Variants in MTUS1 observed in about 807,000 individuals in gnomAD.
MTUS1 encodes microtubule associated scaffold protein 1, also known as microtubule-associated tumor suppressor 1.
A neutral mutation model predicts 120.8 loss-of-function variants in MTUS1; 109 were observed. The ratio of observed to expected loss-of-function variants is 0.90; its 90% CI spans 0.77 to 1.06. The LOEUF is 1.06. Ranked by LOEUF, MTUS1 falls within the 50% of genes least tolerant of loss-of-function variation. The probability of loss-of-function intolerance (pLI) is 0.00; values close to 1 mark genes in which losing one functional copy is unlikely to be tolerated. For missense variants in MTUS1, 2,210 were observed against 1,486.3 expected, an observed-to-expected ratio of 1.49 and a Z score of -8.01; for synonymous variants, 737 against 550.5, an observed-to-expected ratio of 1.34 and a Z score of -4.74.
chr8:17,716,664 C>G (rs1822398778), intron 4 of MTUS1: 2 of 152,782 alleles, frequency 1.3e-5, no homozygotes, highest in African/African-American at 4.8e-5. Flanking sequence ...ACGCCATTCT[C>G]CTGCCTCAGC....
At chr8:17,657,176 GC>G (rs1808493844) in intron 8 of MTUS1, among the ~76,000 whole-genome samples, 1 of 151,022 alleles carries the variant, frequency 6.6e-6, no homozygotes, top group African/African-American at 2.4e-5. Context: ...TCTATTAAAC[GC>G]AAATCACCAG....
chr8:17,759,885 A>G (rs1205314599), intron 1 of MTUS1, among the ~76,000 whole-genome samples: 2 of 151,844 alleles, frequency 1.3e-5, no homozygotes, highest in Admixed American at 6.6e-5. Context: ...TTAACATTTT[A>G]GTACACTTGG....
intron 6 of MTUS1, among the ~76,000 whole-genome samples, chr8:17,712,592 G>C (rs139952396): frequency 0.043 from 6,591 of 152,182 alleles, 278 homozygotes; most frequent in East Asian, 0.16. Context: ...ACCCACCTTG[G>C]CCTCCCAAAG....
At chr8:17,763,938 T>C (rs2049253509) in intron 1 of MTUS1, among the ~76,000 whole-genome samples, 1 of 151,566 alleles carries the variant, frequency 6.6e-6, no homozygotes, top group South Asian at 2.1e-4. Flanking sequence ...TGTGGAAACG[T>C]GTTAAAGATG....
intron 6 of MTUS1, among the ~76,000 whole-genome samples, chr8:17,706,807 C>T (rs1223516335): frequency 6.6e-6 from 1 of 152,132 alleles, no homozygotes; most frequent in East Asian, 1.9e-4. Flanking sequence ...GTTACTGTAT[C>T]TGCTAAATGT....
Position 17,716,989 on chromosome 8 carries a change from C to T in MTUS1, c.2450-1088G>A, listed in dbSNP as rs112823152. ...ACTCACTTAGCAAAGGGTTAAGATA[C>T]CTACCTTGTTTACAAATGCATTATA... On this transcript the variant is annotated intron_variant, in intron 4 of 14. Coordinates refer to ENST00000693296, the MANE Select transcript of MTUS1 (RefSeq NM_001363059.2). Among the ~76,000 whole-genome samples, 186 of 152,300 alleles carry T rather than the reference C, an allele frequency of 1.2e-3. 1 individual carries two copies. Among genetic ancestry groups the T allele is most frequent in the African/African-American group, 4.3e-3 (180 of 41,554 alleles).
At chr8:17,743,355 T>C (rs184381329) in intron 3 of MTUS1, among the ~76,000 whole-genome samples, 32 of 152,294 alleles carry the variant, frequency 2.1e-4, no homozygotes, top group African/African-American at 4.6e-4. Context: ...AATTGTATAT[T>C]TATGTACACA....
Position 17,755,155 on chromosome 8 carries a change from G to T in MTUS1, c.653C>A (p.Ala218Glu), listed in dbSNP as rs1363821101. The change falls in exon 2 of 15, where the codon GCA (alanine) becomes GAA (glutamate). Residue 218 changes from alanine (A) to glutamate (E), a missense_variant. By Grantham distance (107) the Ala-to-Glu change is moderately radical (BLOSUM62 -1). Transcript: ENST00000693296. ...WTSSHSDKTHARETTYDRESF... is the reference protein window; with the variant it reads ...WTSSHSDKTHERETTYDRESF... Reference sequence around the variant, plus strand: ...TTCTCTATCATAAGTAGTTTCTCTTGCATGCGTCTTATCAGAATGGGAAGA... The same window carrying T: ...TTCTCTATCATAAGTAGTTTCTCTTTCATGCGTCTTATCAGAATGGGAAGA... 4 of 1,614,108 alleles carry T rather than the reference G, an allele frequency of 2.5e-6. No individual in the cohort carries two copies. In the Admixed American group the frequency reaches 5.0e-5, roughly 20 times the overall value.
At chr8:17,785,208 A>G (rs376303739) in intron 1 of MTUS1, among the ~76,000 whole-genome samples, 1 of 104,520 alleles carries the variant, frequency 9.6e-6, no homozygotes, top group Admixed American at 1.0e-4. Context: ...GAGCCTCCAA[A>G]GAGCCTCCAG....
intron 1 of MTUS1, among the ~76,000 whole-genome samples, chr8:17,780,178 C>T (rs1024364261): frequency 1.3e-5 from 2 of 152,020 alleles, no homozygotes; most frequent in Non-Finnish European, 2.9e-5. Context: ...CTTTGCCCTG[C>T]TCCACAAGGG....
intron 8 of MTUS1, among the ~76,000 whole-genome samples, chr8:17,658,061 A>ACACACAC (rs200033783): frequency 6.8e-6 from 1 of 147,650 alleles, no homozygotes; most frequent in African/African-American, 2.5e-5. Flanking sequence ...ACACACACAC[A>ACACACAC]GAGTCTTGCT....
chr8:17,645,405 AT>A lies in MTUS1; in HGVS notation c.*520del, dbSNP rs1805579282. 6.6e-6 allele frequency: 1 copy of A among 152,114 alleles called. No homozygotes were observed. Among genetic ancestry groups the A allele is most frequent in the African/African-American group, 2.4e-5 (1 of 40,986 alleles). The allele number at this position is 152,114 out of a possible 1,614,324, so 9.4% of individuals were successfully genotyped here. ...AAATGTATATGCTGATTGATTGATT[AT>A]TATTTGATTAGTACATATCCAGATA... On this transcript the variant is annotated 3_prime_UTR_variant, in exon 15 of 15. Coordinates refer to ENST00000693296, the MANE Select transcript of MTUS1 (RefSeq NM_001363059.2).
chr8:17,742,269 G>GTTTTTTTTTTTTT (rs1210338239), intron 3 of MTUS1, among the ~76,000 whole-genome samples: 12 of 94,904 alleles, frequency 1.3e-4, no homozygotes, highest in East Asian at 3.2e-4. Context: ...ATGCCCAGCT[G>GTTTTTTTTTTTTT]TTTTTTTTTT....
intron 4 of MTUS1, among the ~76,000 whole-genome samples, chr8:17,717,982 T>A (rs426780): frequency 1.3e-5 from 2 of 152,002 alleles, no homozygotes; most frequent in Non-Finnish European, 2.9e-5. Flanking sequence ...ATATACAAGA[T>A]ACATATTCAT....
intron 8 of MTUS1, among the ~76,000 whole-genome samples, chr8:17,657,975 A>G (rs573325078): frequency 6.6e-6 from 1 of 150,818 alleles, no homozygotes; most frequent in African/African-American, 2.5e-5. Flanking sequence ...ACATGCATAT[A>G]CATATACATA....
At chr8:17,689,781 A>C (rs1230046792) in intron 6 of MTUS1, among the ~76,000 whole-genome samples, 2 of 152,168 alleles carry the variant, frequency 1.3e-5, no homozygotes, top group Non-Finnish European at 2.9e-5. Flanking sequence ...AAATACATAC[A>C]ATGGGGAAAG....
intron 5 of MTUS1, among the ~76,000 whole-genome samples, chr8:17,714,327 CAGAG>C (rs369004609): frequency 4.0e-5 from 6 of 151,212 alleles, no homozygotes; most frequent in Admixed American, 3.3e-4. Flanking sequence ...AACACACACA[CAGAG>C]AGAGAGAGAG....
intron 6 of MTUS1, among the ~76,000 whole-genome samples, chr8:17,686,972 T>C (rs1212503393): frequency 6.6e-6 from 1 of 152,210 alleles, no homozygotes; most frequent in Non-Finnish European, 1.5e-5. Flanking sequence ...CATACATTTT[T>C]TATATAATAC....
intron 13 of MTUS1, 32 bp downstream of exon 13, chr8:17,649,814 T>C (rs1806593637): frequency 8.1e-7 from 1 of 1,240,492 alleles, no homozygotes; most frequent in Non-Finnish European, 1.2e-6. Context: ...ACCCCATTTG[T>C]AAGATCCTCT....
Sources: gnomAD v4.1 joint callset for allele counts (sites outside exome capture counted in the v4.1 genomes callset) on GRCh38, gnomAD v4.1.1 for gene constraint, MANE v1.5 for transcripts, NCBI Gene and HGNC (gene_info 2026-07-23, HGNC 2026-07-21) for gene names.